Variants in SCML4 observed in about 807,000 individuals in gnomAD.
The protein encoded by SCML4 is sex comb on midleg-like protein 4.
In SCML4, 34 loss-of-function variants were observed where a neutral mutation model predicts 41.1. That is an observed-to-expected ratio of 0.83 (90% CI 0.63 to 1.10). SCML4 has a LOEUF of 1.10. Ranked by LOEUF, SCML4 falls within the 50% of genes least tolerant of loss-of-function variation. SCML4 has a pLI of 0.00. For missense variants in SCML4, 522 were observed against 534.1 expected (o/e 0.98, Z 0.22); for synonymous variants, 214 against 220.9 (o/e 0.97, Z 0.28).
chr6:107,740,063 T>C (rs534209398), intron 5 of SCML4: 39 of 467,208 alleles, frequency 8.3e-5, no homozygotes, highest in African/African-American at 6.8e-4. Context: ...AGAGAACAAC[T>C]GGGGTCATTA....
chr6:107,831,423 A>G, the SCML4 span, among the ~76,000 whole-genome samples: 1 of 151,334 alleles, frequency 6.6e-6, no homozygotes, highest in African/African-American at 2.4e-5. Context: ...AAAAAAAAAA[A>G]AAAAAAAAAA....
chr6:107,753,531 T>A (rs368113931), intron 2 of SCML4, among the ~76,000 whole-genome samples: 9 of 152,312 alleles, frequency 5.9e-5, no homozygotes, highest in East Asian at 5.8e-4. Flanking sequence ...ATGAAAATGT[T>A]CTGGAGATTG....
upstream of SCML4, among the ~76,000 whole-genome samples, chr6:107,826,279 GAAAAGAAAAGAAAA>G (rs1284928707): frequency 3.9e-5 from 5 of 126,906 alleles, no homozygotes; most frequent in African/African-American, 2.2e-4. Context: ...AAGAAAAGAA[GAAAAGAAAAGAAAA>G]GAAAGAAAAG....
intron 5 of SCML4, among the ~76,000 whole-genome samples, chr6:107,729,581 TG>T (rs1776333467): frequency 6.6e-6 from 1 of 152,204 alleles, no homozygotes; most frequent in South Asian, 2.1e-4. Flanking sequence ...AACCAGTAAA[TG>T]TTTTTTTATT....
At chr6:107,706,040 G>T (rs535535332) in intron 7 of SCML4, among the ~76,000 whole-genome samples, 40 of 152,244 alleles carry the variant, frequency 2.6e-4, no homozygotes, top group Non-Finnish European at 3.8e-4. Flanking sequence ...TCAGGTCACT[G>T]GAGACAAAGG....
At chr6:107,732,786 C>T (rs575566706) in intron 5 of SCML4, among the ~76,000 whole-genome samples, 4 of 152,246 alleles carry the variant, frequency 2.6e-5, no homozygotes, top group Admixed American at 6.5e-5. Flanking sequence ...CCTGTGGTCA[C>T]GCTGTTTCCT....
intron 2 of SCML4, among the ~76,000 whole-genome samples, chr6:107,751,371 C>T (rs1369469761): frequency 6.6e-6 from 1 of 151,252 alleles, no homozygotes; most frequent in African/African-American, 2.4e-5. Flanking sequence ...ATATTCCAGG[C>T]AATGTCGATA....
intron 5 of SCML4, among the ~76,000 whole-genome samples, chr6:107,741,432 C>T (rs973148781): frequency 2.0e-5 from 3 of 152,214 alleles, no homozygotes; most frequent in African/African-American, 4.8e-5. Context: ...GAGGCCTGTC[C>T]TTGCCTTAAT....
intron 2 of SCML4, among the ~76,000 whole-genome samples, chr6:107,765,870 T>C (rs911920485): frequency 3.3e-5 from 5 of 152,254 alleles, no homozygotes; most frequent in African/African-American, 1.2e-4. Context: ...TGTTGATTTA[T>C]AGATTTTAAA....
Position 107,772,296 on chromosome 6 carries a change from C to T in SCML4, c.32G>A (p.Arg11Gln). The T allele has an allele frequency of 6.4e-7, 1 of 1,551,610 alleles. No homozygotes were observed. The highest frequency in any genetic ancestry group is 1.2e-5 in the South Asian group (1 of 84,030). Reference protein sequence around the residue: MQSQRIPGRKRGRPSLHSTPM... With the variant: MQSQRIPGRKQGRPSLHSTPM... ...CGTGGAGTGAAGTGAGGGTCGGCCT[C>T]GCTTTCTCCCCGGGATCCTTTGAGA... The change falls in exon 2 of 8, where the codon CGA (arginine) becomes CAA (glutamine). Residue 11 changes from arginine (R) to glutamine (Q), a missense_variant. Coordinates refer to ENST00000369020, the MANE Select transcript of SCML4 (RefSeq NM_198081.5).
At chr6:107,822,199 T>C (rs1343625321) in intron 1 of SCML4, among the ~76,000 whole-genome samples, 1 of 152,218 alleles carries the variant, frequency 6.6e-6, no homozygotes, top group African/African-American at 2.4e-5. Flanking sequence ...TTACTGAGTA[T>C]TTTTTTAAAG....
At chr6:107,757,263 G>T (rs1779190225) in intron 2 of SCML4, among the ~76,000 whole-genome samples, 1 of 152,194 alleles carries the variant, frequency 6.6e-6, no homozygotes, top group Non-Finnish European at 1.5e-5. Context: ...ATTGGGAGGG[G>T]ATTTGGGGGG....
intron 1 of SCML4, among the ~76,000 whole-genome samples, chr6:107,797,399 A>C (rs1457886243): frequency 5.9e-5 from 9 of 152,058 alleles, no homozygotes; most frequent in Non-Finnish European, 1.3e-4. Context: ...TGTTATTGTG[A>C]GTAGTACTTT....
chr6:107,762,195 A>G (rs531601496), intron 2 of SCML4, among the ~76,000 whole-genome samples: 1 of 152,338 alleles, frequency 6.6e-6, no homozygotes, highest in South Asian at 2.1e-4. Context: ...TCTAATAAGT[A>G]AGCATGCTGT....
chr6:107,763,031 C>T (rs569065428), intron 2 of SCML4, among the ~76,000 whole-genome samples: 1 of 151,940 alleles, frequency 6.6e-6, no homozygotes, highest in Non-Finnish European at 1.5e-5. Flanking sequence ...TACAGGTGTG[C>T]ACCATCACAG....
chr6:107,817,017 TC>T (rs1274473352), intron 1 of SCML4, among the ~76,000 whole-genome samples: 2 of 152,208 alleles, frequency 1.3e-5, no homozygotes, highest in African/African-American at 4.8e-5. Context: ...GCCTGGGTTT[TC>T]TTAACTTTGT....
chr6:107,820,709 C>T (rs947752556), intron 1 of SCML4, among the ~76,000 whole-genome samples: 1 of 152,162 alleles, frequency 6.6e-6, no homozygotes, highest in African/African-American at 2.4e-5. Flanking sequence ...GCAGCCAGGG[C>T]GTTCGGACTT....
At chr6:107,814,952 A>C (rs1784456357) in intron 1 of SCML4, among the ~76,000 whole-genome samples, 1 of 152,228 alleles carries the variant, frequency 6.6e-6, no homozygotes. Flanking sequence ...CATTTAGCTT[A>C]AAACTACAGT....
chr6:107,732,137 T>C (rs919393848), intron 5 of SCML4: 1 of 152,268 alleles, frequency 6.6e-6, no homozygotes. Context: ...CTCCCCTGCA[T>C]GCAGCCTTTC....
Sources: gnomAD v4.1 joint callset for allele counts (sites outside exome capture counted in the v4.1 genomes callset) on GRCh38, gnomAD v4.1.1 for gene constraint, MANE v1.5 for transcripts, NCBI Gene and HGNC (gene_info 2026-07-23, HGNC 2026-07-21) for gene names.